UTP23: variants seen among roughly 807,000 people sequenced by gnomAD.
The protein encoded by UTP23 is UTP23 small subunit processome component, also known as rRNA-processing protein UTP23 homolog.
In UTP23, 10 loss-of-function variants were observed where a neutral mutation model predicts 19.8. That is an observed-to-expected ratio of 0.50 (90% CI 0.31 to 0.86). The LOEUF (loss-of-function observed/expected upper bound fraction) is 0.86, where lower values mean the gene tolerates loss of function less well. UTP23 is among the 40% of genes least tolerant of loss of function. The pLI is 0.05. For synonymous variants in UTP23, 108 were observed against 105.4 expected, an observed-to-expected ratio of 1.02 and a Z score of -0.15; for missense variants, 282 against 293.1, an observed-to-expected ratio of 0.96 and a Z score of 0.28.
Position 116,774,297 on chromosome 8 carries a change from T to A in UTP23, c.*2455T>A, listed in dbSNP as rs1815696159. Reference sequence around the variant, plus strand: ...GCTACTTCTTATCCCTGCAAGTATATAAATTAAAACCAAGTCACTTTAGAA... The same window carrying A: ...GCTACTTCTTATCCCTGCAAGTATAAAAATTAAAACCAAGTCACTTTAGAA... On this transcript the variant is annotated 3_prime_UTR_variant, in exon 3 of 3. Transcript: ENST00000309822. The A allele has an allele frequency of 5.1e-6, 5 of 985,250 alleles. No individual in the cohort carries two copies. The South Asian group carries it at 2.3e-4, about 46-fold the overall frequency. The allele number at this position is 985,250 out of a possible 1,614,324, so 61.0% of individuals were successfully genotyped here.
In UTP23 at chr8:116,773,321, TAAATG is replaced by T. The variant is rs752764460; in HGVS notation, c.*1484_*1488del. The T allele has an allele frequency of 1.5e-5, 15 of 983,602 alleles. No homozygotes were observed. Among genetic ancestry groups the T allele is most frequent in the Admixed American group, 6.1e-5 (1 of 16,266 alleles). The allele number at this position is 983,602 out of a possible 1,614,324, so 60.9% of individuals were successfully genotyped here. A position where few individuals can be genotyped will look rare whatever the true frequency, so the allele number is the denominator to read the frequency against. Reference sequence around the variant, plus strand: ...ACCTAATAAAGTGTAGACAAAGTGATAAATGAAATATACACTGATGATACTCATTT... The same window carrying T: ...ACCTAATAAAGTGTAGACAAAGTGATAAATATACACTGATGATACTCATTT... On this transcript the variant is annotated 3_prime_UTR_variant, in exon 3 of 3. Coordinates refer to ENST00000309822, the MANE Select transcript of UTP23 (RefSeq NM_032334.3).
rs1158058916 is a variant in UTP23, at chr8:116,772,130, C to T, written c.*288C>T. On this transcript the variant is annotated 3_prime_UTR_variant, in exon 3 of 3. Coordinates refer to ENST00000309822, the MANE Select transcript of UTP23 (RefSeq NM_032334.3). ...CTGGGAGGCAGAGATTGCAGTGAGCCCAGTTCGTGTCACTTCACTCCAGCC... is the reference window on the plus strand; with the variant it reads ...CTGGGAGGCAGAGATTGCAGTGAGCTCAGTTCGTGTCACTTCACTCCAGCC... 1 of 1,063,630 alleles carries T rather than the reference C, an allele frequency of 9.4e-7. No individual in the cohort carries two copies. Among genetic ancestry groups the T allele is most frequent in the Non-Finnish European group, 1.1e-6 (1 of 880,530 alleles). The allele number at this position is 1,063,630 out of a possible 1,614,324, so 65.9% of individuals were successfully genotyped here.
At position 116,772,010 on chromosome 8, in the gene UTP23, C is replaced by T; in HGVS notation, c.*168C>T. The T allele has an allele frequency of 7.6e-7, 1 of 1,310,242 alleles. No individual in the cohort carries two copies. Among genetic ancestry groups the T allele is most frequent in the Admixed American group, 3.7e-5 (1 of 27,302 alleles). 81.2% of individuals were successfully genotyped at this position (1,310,242 alleles called of 1,614,324 possible). On this transcript the variant is annotated 3_prime_UTR_variant, in exon 3 of 3. Transcript: ENST00000309822. ...CCAGTCTAGCCAGCATGGCAAAACC[C>T]CATCTCTACTAAAATACAAAAATTA...
At chr8:116,766,946 G>A in intron 1 of UTP23, 155 bp downstream of exon 1, 1 of 715,032 alleles carries the variant, frequency 1.4e-6, no homozygotes, top group Non-Finnish European at 2.2e-6. Flanking sequence ...AGGTGGTCAG[G>A]CGAATACCTA....
intron 1 of UTP23, among the ~76,000 whole-genome samples, chr8:116,769,398 T>G (rs1238338587): frequency 6.6e-6 from 1 of 152,106 alleles, no homozygotes; most frequent in Non-Finnish European, 1.5e-5. Context: ...GAAGGTCAAA[T>G]GTGATTTCTG....
At chr8:116,769,055 A>G (rs1815619795) in intron 1 of UTP23, among the ~76,000 whole-genome samples, 1 of 152,154 alleles carries the variant, frequency 6.6e-6, no homozygotes, top group South Asian at 2.1e-4. Flanking sequence ...AGTGGAATAT[A>G]TTTCTTGGCC....
intron 1 of UTP23, chr8:116,767,037 A>G: frequency 2.4e-6 from 1 of 411,922 alleles, no homozygotes; most frequent in Non-Finnish European, 4.3e-6. Flanking sequence ...TAGCAGAGAG[A>G]TCCGACTTCG....
intron 1 of UTP23, among the ~76,000 whole-genome samples, chr8:116,769,617 A>G (rs1815625601): frequency 6.6e-6 from 1 of 152,224 alleles, no homozygotes; most frequent in South Asian, 2.1e-4. Context: ...GAAAGATGAT[A>G]AAGGAGATGA....
chr8:116,767,179 G>A (rs1321303430), intron 1 of UTP23, among the ~76,000 whole-genome samples: 1 of 152,202 alleles, frequency 6.6e-6, no homozygotes, highest in Non-Finnish European at 1.5e-5. Context: ...AACGAGTATA[G>A]TGTACTAGAG....
At chr8:116,771,110 T>C (rs543241756) in intron 2 of UTP23, among the ~76,000 whole-genome samples, 1 of 152,318 alleles carries the variant, frequency 6.6e-6, no homozygotes, top group African/African-American at 2.4e-5. Flanking sequence ...CCCAGTTTCT[T>C]TTCCTTTAAC....
At chr8:116,770,034 G>A in intron 1 of UTP23, 158 bp from the exon 2 acceptor site, 1 of 642,182 alleles carries the variant, frequency 1.6e-6, no homozygotes, top group South Asian at 2.8e-5. Flanking sequence ...CTTCCTACTT[G>A]GTAAATGCAT....
rs776918011 is a variant in UTP23 at position 116,773,810 on chromosome 8, AAAAT to A, written c.*1983_*1986del. On this transcript the variant is annotated 3_prime_UTR_variant, in exon 3 of 3. Transcript: ENST00000309822. ...GGTGAGAGAGTGAAACCCCGTCTCA[AAAAT>A]AAATAAATAAATAAGTTTACTATTT... 127 of 726,412 alleles carry A rather than the reference AAAAT, an allele frequency of 1.7e-4. No individual in the cohort carries two copies. Among genetic ancestry groups the A allele is most frequent in the East Asian group, 2.6e-4 (2 of 7,614 alleles). 45.0% of individuals were successfully genotyped at this position (726,412 alleles called of 1,614,324 possible).
In UTP23 at chr8:116,771,960, A is replaced by G; in HGVS notation, c.*118A>G. On this transcript the variant is annotated 3_prime_UTR_variant, in exon 3 of 3. Coordinates refer to ENST00000309822, the MANE Select transcript of UTP23 (RefSeq NM_032334.3). ...AATGAACCCATATGCTTTAGCTAAA[A>G]TTAATTATAAAATAAAAACAGTGAC... 1 of 1,436,080 alleles carries G rather than the reference A, an allele frequency of 7.0e-7. No homozygotes were observed. Among genetic ancestry groups the G allele is most frequent in the Non-Finnish European group, 9.1e-7 (1 of 1,104,644 alleles). 89.0% of individuals were successfully genotyped at this position (1,436,080 alleles called of 1,614,324 possible). A position where few individuals can be genotyped will look rare whatever the true frequency, so the allele number is the denominator to read the frequency against.
chr8:116,766,622 A>C lies in UTP23; in HGVS notation c.19A>C (p.Lys7Gln). The C allele has an allele frequency of 4.3e-6, 7 of 1,613,648 alleles. No homozygotes were observed. Among genetic ancestry groups the C allele is most frequent in the Non-Finnish European group, 5.9e-6 (7 of 1,179,758 alleles). The change falls in exon 1 of 3, where the codon AAA (lysine) becomes CAA (glutamine). Residue 7 changes from lysine (K) to glutamine (Q), a missense_variant. By Grantham distance (53) the Lys-to-Gln change is moderately conservative (BLOSUM62 1). Transcript: ENST00000309822. ...GCCAGGCATGAAGATCACAAGGCAG[A>C]AACATGCCAAGAAGCATCTTGGCTT... MKITRQKHAKKHLGFFR... is the reference protein window; with the variant it reads MKITRQQHAKKHLGFFR...
chr8:116,770,105 T>C (rs1815631151), intron 1 of UTP23, 87 bp from the exon 2 acceptor site: 2 of 1,282,708 alleles, frequency 1.6e-6, no homozygotes, highest in Non-Finnish European at 2.1e-6. Flanking sequence ...TGTAACAGCA[T>C]AGTTTTATTT....
At position 116,774,283 on chromosome 8, in the gene UTP23, T is replaced by A; in HGVS notation, c.*2441T>A. 1.0e-6 allele frequency: 1 copy of A among 985,344 alleles called. No homozygotes were observed. The highest frequency in any genetic ancestry group is 1.2e-6 in the Non-Finnish European group (1 of 829,922). 61.0% of individuals were successfully genotyped at this position (985,344 alleles called of 1,614,324 possible). ...TTTATGGCCCTACAGCTACTTCTTA[T>A]CCCTGCAAGTATATAAATTAAAACC... On this transcript the variant is annotated 3_prime_UTR_variant, in exon 3 of 3. Transcript: ENST00000309822.
At position 116,772,411 on chromosome 8, in the gene UTP23, A is replaced by G. The variant is rs1370283387; in HGVS notation, c.*569A>G. On this transcript the variant is annotated 3_prime_UTR_variant, in exon 3 of 3. Transcript: ENST00000309822. ...ATTGACAGAAGAAACTTCCTCTTTC[A>G]ATTCTAGTAGTTGAAGAATTTATAT... is the stretch of plus-strand genomic sequence containing the variant. 1.0e-6 allele frequency: 1 copy of G among 957,492 alleles called. No homozygotes were observed. Among genetic ancestry groups the G allele is most frequent in the African/African-American group, 1.8e-5 (1 of 56,628 alleles). 59.3% of individuals were successfully genotyped at this position (957,492 alleles called of 1,614,324 possible). A position where few individuals can be genotyped will look rare whatever the true frequency, so the allele number is the denominator to read the frequency against.
chr8:116,770,139 TTTACACCTTATG>T, intron 1 of UTP23, 41 bp from the exon 2 acceptor site: 1 of 1,444,018 alleles, frequency 6.9e-7, no homozygotes, highest in East Asian at 2.3e-5. Context: ...ACTATTGTTT[TTTACACCTTATG>T]TAAACAAGTG....
intron 1 of UTP23, among the ~76,000 whole-genome samples, chr8:116,769,615 A>G (rs1179257219): frequency 6.6e-6 from 1 of 152,206 alleles, no homozygotes; most frequent in Non-Finnish European, 1.5e-5. Flanking sequence ...CAGAAAGATG[A>G]TAAAGGAGAT....
Sources: gnomAD v4.1 joint callset for allele counts (sites outside exome capture counted in the v4.1 genomes callset) on GRCh38, gnomAD v4.1.1 for gene constraint, MANE v1.5 for transcripts, NCBI Gene and HGNC (gene_info 2026-07-23, HGNC 2026-07-21) for gene names.